CCNY: variants seen among roughly 807,000 people sequenced by gnomAD.
CCNY encodes cyclin Y, also known as cyclin-Y.
CCNY carries 19 observed loss-of-function variants against 42.8 expected under a neutral mutation model. The observed-to-expected ratio is 0.44, with a 90% confidence interval of 0.31 to 0.65. CCNY has a LOEUF of 0.65. Ranked by LOEUF, CCNY falls within the 30% of genes least tolerant of loss-of-function variation. The probability of loss-of-function intolerance (pLI) is 0.07; values close to 1 mark genes in which losing one functional copy is unlikely to be tolerated. For missense variants in CCNY, 370 were observed against 437.3 expected (o/e 0.85, Z 1.37); for synonymous variants, 165 against 162.7 (o/e 1.01, Z -0.11).
chr10:35,259,304 C>T (rs566309314), intron 3 of CCNY, among the ~76,000 whole-genome samples: 1 of 152,050 alleles, frequency 6.6e-6, no homozygotes, highest in Admixed American at 6.6e-5. Flanking sequence ...GCCTTGACTT[C>T]CTAGGGTCAA....
At chr10:35,269,221 A>G (rs372036840) in intron 3 of CCNY, among the ~76,000 whole-genome samples, 1 of 152,340 alleles carries the variant, frequency 6.6e-6, no homozygotes, top group African/African-American at 2.4e-5. Context: ...AAAAGCAGCC[A>G]TGCGGCACAC....
intron 3 of CCNY, among the ~76,000 whole-genome samples, chr10:35,288,667 A>G (rs1236211320): frequency 1.3e-5 from 2 of 152,216 alleles, no homozygotes; most frequent in Non-Finnish European, 2.9e-5. Context: ...AGTGACGTTA[A>G]GCGTCAAGGT....
At chr10:35,429,548 G>A (rs1564407676) in intron 1 of CCNY, among the ~76,000 whole-genome samples, 1 of 152,130 alleles carries the variant, frequency 6.6e-6, no homozygotes, top group Non-Finnish European at 1.5e-5. Context: ...TGTGATAGTA[G>A]GCAAATTATT....
chr10:35,476,328 T>C (rs1272536380), intron 1 of CCNY, among the ~76,000 whole-genome samples: 41 of 152,144 alleles, frequency 2.7e-4, no homozygotes, highest in African/African-American at 9.9e-4. Flanking sequence ...CAACAGAACA[T>C]ACATTTTTTT....
At chr10:35,321,204 A>C (rs1411545668) in intron 3 of CCNY, among the ~76,000 whole-genome samples, 1 of 151,214 alleles carries the variant, frequency 6.6e-6, no homozygotes, top group Non-Finnish European at 1.5e-5. Context: ...TAAATTTAAC[A>C]TAATACATGC....
chr10:35,294,388 T>C (rs1452895065), intron 3 of CCNY, among the ~76,000 whole-genome samples: 1 of 152,248 alleles, frequency 6.6e-6, no homozygotes, highest in Non-Finnish European at 1.5e-5. Flanking sequence ...ATGTTAACTG[T>C]AGGTTTTTCA....
intron 3 of CCNY, among the ~76,000 whole-genome samples, chr10:35,311,059 T>G (rs150659141): frequency 1.4e-3 from 213 of 152,266 alleles, no homozygotes; most frequent in African/African-American, 4.6e-3. Context: ...ATGCCTATCA[T>G]CCCAACACTT....
chr10:35,445,511 GGAATGTGCT>G (rs1014925685), intron 1 of CCNY, among the ~76,000 whole-genome samples: 4 of 152,154 alleles, frequency 2.6e-5, no homozygotes, highest in African/African-American at 9.7e-5. Context: ...TGTTAGAGCT[GGAATGTGCT>G]GATGGATTTG....
intron 1 of CCNY, among the ~76,000 whole-genome samples, chr10:35,476,202 A>G (rs1487680045): frequency 6.6e-6 from 1 of 152,198 alleles, no homozygotes; most frequent in African/African-American, 2.4e-5. Context: ...TTTAACACCC[A>G]CTGTCAACAT....
intron 3 of CCNY, among the ~76,000 whole-genome samples, chr10:35,506,930 G>A (rs1223072130): frequency 1.3e-5 from 2 of 152,202 alleles, no homozygotes; most frequent in Admixed American, 6.5e-5. Flanking sequence ...TGGGGAAGGA[G>A]CTGTTCTCAT....
intron 9 of CCNY, among the ~76,000 whole-genome samples, chr10:35,567,113 G>A (rs1268512827): frequency 1.3e-5 from 2 of 152,188 alleles, no homozygotes; most frequent in Non-Finnish European, 2.9e-5. Flanking sequence ...CCCTCAAAAA[G>A]ATACTTCTCA....
chr10:35,480,951 G>A (rs755532994), intron 1 of CCNY, among the ~76,000 whole-genome samples: 11 of 152,266 alleles, frequency 7.2e-5, no homozygotes, highest in South Asian at 2.1e-4. Flanking sequence ...GGGTGACAGC[G>A]CAAGACCCCA....
intron 3 of CCNY, among the ~76,000 whole-genome samples, chr10:35,252,435 T>G (rs560767086): frequency 6.8e-4 from 104 of 151,856 alleles, no homozygotes; most frequent in Admixed American, 1.5e-3. Flanking sequence ...GCGTGGTGGC[T>G]GGCGCCTGTA....
rs543083088 is a variant in CCNY, at chr10:35,446,772, G to A, written c.155-36632G>A. 2.0e-5 allele frequency among the ~76,000 whole-genome samples: 3 copies of A among 152,318 alleles called. No individual in the cohort carries two copies. In the East Asian group the frequency reaches 5.8e-4, roughly 29 times the overall value. The stretch of plus-strand genomic sequence containing the variant: ...TGCCCCTTGTGGGATCTGTGGGGCT[G>A]ATGGCCCTCTGGGTACCATCCCAGG... On this transcript the variant is annotated intron_variant, in intron 1 of 9. Coordinates refer to ENST00000374704, the MANE Select transcript of CCNY (RefSeq NM_145012.6).
intron 1 of CCNY, among the ~76,000 whole-genome samples, chr10:35,477,015 G>A (rs1250503159): frequency 2.0e-5 from 3 of 151,960 alleles, no homozygotes; most frequent in African/African-American, 4.8e-5. Flanking sequence ...ACACCTCTAT[G>A]CAAATAAACT....
Position 35,374,729 on chromosome 10 carries a change from A to C in CCNY, c.154+37522A>C, listed in dbSNP as rs142009401. On this transcript the variant is annotated intron_variant, in intron 1 of 9. Coordinates refer to ENST00000374704, the MANE Select transcript of CCNY (RefSeq NM_145012.6). ...CTCTGAATCATTTTGTATTTATAGCATACTAGAGATTCTAATATACGTGTC... is the reference window on the plus strand; with the variant it reads ...CTCTGAATCATTTTGTATTTATAGCCTACTAGAGATTCTAATATACGTGTC... Among the ~76,000 whole-genome samples, 4 of 152,342 alleles carry C rather than the reference A, an allele frequency of 2.6e-5. No individual in the cohort carries two copies. In the East Asian group the frequency reaches 7.7e-4, roughly 29 times the overall value.
chr10:35,555,479 A>ACAGCAG (rs1160560498), intron 8 of CCNY, among the ~76,000 whole-genome samples: 1 of 152,248 alleles, frequency 6.6e-6, no homozygotes, highest in Non-Finnish European at 1.5e-5. Context: ...AATAACAACA[A>ACAGCAG]CAGCAGCAGC....
At chr10:35,499,887 A>G (rs1290179982) in intron 2 of CCNY, among the ~76,000 whole-genome samples, 4 of 152,216 alleles carry the variant, frequency 2.6e-5, no homozygotes, top group African/African-American at 9.7e-5. Flanking sequence ...GGCTACATGT[A>G]TAATAGTTTA....
At chr10:35,487,656 G>A (rs1336697701) in intron 2 of CCNY, among the ~76,000 whole-genome samples, 1 of 152,044 alleles carries the variant, frequency 6.6e-6, no homozygotes, top group Non-Finnish European at 1.5e-5. Context: ...AGGAGACTAG[G>A]AACTCCAACA....
Sources: gnomAD v4.1 joint callset for allele counts (sites outside exome capture counted in the v4.1 genomes callset) on GRCh38, gnomAD v4.1.1 for gene constraint, MANE v1.5 for transcripts, NCBI Gene and HGNC (gene_info 2026-07-23, HGNC 2026-07-21) for gene names.